Variants in FAM86B1 observed in about 807,000 individuals in gnomAD.
FAM86B1 encodes putative protein N-methyltransferase FAM86B1.
For synonymous variants in FAM86B1, 4 were observed against 137.6 expected, an observed-to-expected ratio of 0.03 and a Z score of 6.79; for missense variants, 13 against 328.1, an observed-to-expected ratio of 0.04 and a Z score of 7.42.
At chr8:12,190,948 G>C (rs1354363394) in intron 2 of FAM86B1, among the ~76,000 whole-genome samples, 1 of 134,126 alleles carries the variant, frequency 7.5e-6, no homozygotes, top group African/African-American at 3.0e-5. Context: ...TGAGAGTGAG[G>C]CTCAGGGTGA....
At chr8:12,191,411 C>A (rs1806858202) in intron 2 of FAM86B1, among the ~76,000 whole-genome samples, 1 of 123,032 alleles carries the variant, frequency 8.1e-6, no homozygotes, top group Non-Finnish European at 1.6e-5. Flanking sequence ...CTAGAAGAGA[C>A]AGGAGTGGGC....
At chr8:12,189,252 A>G (rs1440440010) in intron 3 of FAM86B1, among the ~76,000 whole-genome samples, 1 of 119,626 alleles carries the variant, frequency 8.4e-6, no homozygotes, top group Non-Finnish European at 1.7e-5. Context: ...GTCTCAAAAA[A>G]AATATATAAA....
chr8:12,192,925 A>C (rs1807159424), intron 1 of FAM86B1, among the ~76,000 whole-genome samples: 2 of 147,994 alleles, frequency 1.4e-5, no homozygotes, highest in South Asian at 4.2e-4. Context: ...AAACAATAGC[A>C]CAGAGAGATA....
intron 3 of FAM86B1, chr8:12,188,214 A>T (rs1222674276): frequency 2.5e-6 from 2 of 811,678 alleles, no homozygotes. Flanking sequence ...CTTTCGTTCT[A>T]ATCTGTAAAA....
intron 6 of FAM86B1, among the ~76,000 whole-genome samples, chr8:12,184,035 C>T (rs1441085518): frequency 1.7e-4 from 10 of 59,518 alleles, no homozygotes; most frequent in Non-Finnish European, 2.9e-5. Context: ...CTTCACAAAG[C>T]TTAGAAAGTG....
At chr8:12,187,233 A>C (rs1329883804) in intron 3 of FAM86B1, among the ~76,000 whole-genome samples, 3 of 33,482 alleles carry the variant, frequency 9.0e-5, no homozygotes, top group Non-Finnish European at 1.7e-4. Context: ...GAGCTCTGTC[A>C]CCCAGGCTGG....
intron 6 of FAM86B1, among the ~76,000 whole-genome samples, chr8:12,184,901 AG>A (rs1805499051): frequency 1.0e-5 from 1 of 99,336 alleles, no homozygotes; most frequent in African/African-American, 4.4e-5. Context: ...GTCAGGTCTG[AG>A]GACAGTGGCT....
Position 12,183,097 on chromosome 8 carries a change from GGC to G in FAM86B1, c.*507_*508del. The G allele has an allele frequency of 3.9e-6, 1 of 257,720 alleles. No individual in the cohort carries two copies. Among genetic ancestry groups the G allele is most frequent in the Non-Finnish European group, 7.6e-6 (1 of 130,834 alleles). 16.0% of individuals were successfully genotyped at this position (257,720 alleles called of 1,614,324 possible). A position where few individuals can be genotyped will look rare whatever the true frequency, so the allele number is the denominator to read the frequency against. ...TGCTGCACCATAAGCCCTGGGATGT[GGC>G]AGCTGCAGCGGGCTTGGCTTTGTGA... On this transcript the variant is annotated 3_prime_UTR_variant, in exon 7 of 7. Coordinates refer to ENST00000448228, the MANE Select transcript of FAM86B1 (RefSeq NM_001083537.4).
rs1300937321 is a variant in FAM86B1 at position 12,186,053 on chromosome 8, G to A, written c.640+299C>T. 3 of 294,254 alleles carry A rather than the reference G, an allele frequency of 1.0e-5. 1 individual carries two copies. In the Admixed American group the frequency reaches 1.9e-4, roughly 19 times the overall value. 18.2% of individuals were successfully genotyped at this position (294,254 alleles called of 1,614,324 possible). On this transcript the variant is annotated intron_variant, in intron 5 of 6. Coordinates refer to ENST00000448228, the MANE Select transcript of FAM86B1 (RefSeq NM_001083537.4). ...TCTCAAGGGCCCTGACCTCGTACCAGAAGTGGTTGTTTTCCTCCTGCGGTC... is the reference window on the plus strand; with the variant it reads ...TCTCAAGGGCCCTGACCTCGTACCAAAAGTGGTTGTTTTCCTCCTGCGGTC...
rs1806348395 is a variant in FAM86B1, at chr8:12,189,137, TCTTA to T, written c.240+667_240+670del. On this transcript the variant is annotated intron_variant, in intron 3 of 6. Coordinates refer to ENST00000448228, the MANE Select transcript of FAM86B1 (RefSeq NM_001083537.4). ...GTGGCATGTGCCTGTAGTCCCAGCT[TCTTA>T]GCAGGCTAGGCACGAGAACTGCTTG... 2.8e-5 allele frequency among the ~76,000 whole-genome samples: 4 copies of T among 143,618 alleles called. No homozygotes were observed. The South Asian group carries it at 8.7e-4, about 31-fold the overall frequency. The allele number at this position is 143,618 out of a possible 152,430, so 94.2% of individuals were successfully genotyped here. A position where few individuals can be genotyped will look rare whatever the true frequency, so the allele number is the denominator to read the frequency against.
intron 1 of FAM86B1, among the ~76,000 whole-genome samples, chr8:12,193,300 A>G (rs1807244159): frequency 6.9e-6 from 1 of 145,630 alleles, no homozygotes; most frequent in Non-Finnish European, 1.5e-5. Context: ...AAAATGGGGC[A>G]GACCCAGGGA....
At position 12,189,145 on chromosome 8, in the gene FAM86B1, GGCTAGGCAC is replaced by G. The variant is rs1806350593; in HGVS notation, c.240+654_240+662del. 3.4e-5 allele frequency among the ~76,000 whole-genome samples: 5 copies of G among 145,558 alleles called. No homozygotes were observed. The South Asian group carries it at 1.1e-3, about 31-fold the overall frequency. On this transcript the variant is annotated intron_variant, in intron 3 of 6. Coordinates refer to ENST00000448228, the MANE Select transcript of FAM86B1 (RefSeq NM_001083537.4). ...TGCCTGTAGTCCCAGCTTCTTAGCA[GGCTAGGCAC>G]GAGAACTGCTTGAACCCAGGAGGCA...
At chr8:12,192,788 G>GTA (rs1807126707) in intron 1 of FAM86B1, among the ~76,000 whole-genome samples, 1 of 149,144 alleles carries the variant, frequency 6.7e-6, no homozygotes, top group Non-Finnish European at 1.5e-5. Context: ...TGAGACTGAA[G>GTA]AAAACACTAG....
At chr8:12,192,726 G>A (rs1807108976) in intron 1 of FAM86B1, among the ~76,000 whole-genome samples, 1 of 140,072 alleles carries the variant, frequency 7.1e-6, no homozygotes, top group African/African-American at 3.0e-5. Context: ...ATCTATCATG[G>A]GTACTGCCGA....
intron 2 of FAM86B1, among the ~76,000 whole-genome samples, chr8:12,191,000 C>A (rs1806759103): frequency 6.7e-6 from 1 of 148,480 alleles, no homozygotes; most frequent in Non-Finnish European, 1.5e-5. Flanking sequence ...TATCTCCATG[C>A]TCGAAGCCCT....
intron 6 of FAM86B1, among the ~76,000 whole-genome samples, chr8:12,184,001 C>A (rs1160129877): frequency 4.6e-3 from 205 of 44,678 alleles, no homozygotes; most frequent in Admixed American, 6.3e-3. Flanking sequence ...ACCCACATCT[C>A]CCTGGCTGCT....
chr8:12,193,460 G>C (rs1456644311), intron 1 of FAM86B1: 1 of 207,190 alleles, frequency 4.8e-6, no homozygotes, highest in Non-Finnish European at 9.5e-6. Context: ...AGGGAGAGGA[G>C]AGGCCACCCC....
chr8:12,184,796 CTCGGGGG>C (rs1461900645), intron 6 of FAM86B1, among the ~76,000 whole-genome samples: 2 of 71,070 alleles, frequency 2.8e-5, no homozygotes, highest in Admixed American at 1.3e-4. Context: ...TCTGCGGGAG[CTCGGGGG>C]TCACTTGGCC....
chr8:12,194,898 A>G (rs866678417), upstream of FAM86B1: 4,411 of 140,696 alleles, frequency 0.031, 9 homozygotes, highest in Middle Eastern at 0.069. Context: ...GGGAGGCGTT[A>G]CCTGCGGAGG....
Sources: gnomAD v4.1 joint callset for allele counts (sites outside exome capture counted in the v4.1 genomes callset) on GRCh38, gnomAD v4.1.1 for gene constraint, MANE v1.5 for transcripts, NCBI Gene and HGNC (gene_info 2026-07-23, HGNC 2026-07-21) for gene names.